CLEC4M: variants seen among roughly 807,000 people sequenced by gnomAD.
CLEC4M encodes C-type lectin domain family 4 member M, also known as CD209 antigen-like protein 1.
A neutral mutation model predicts 39.1 loss-of-function variants in CLEC4M; 25 were observed. That is an observed-to-expected ratio of 0.64 (90% confidence interval 0.47 to 0.89). The LOEUF (loss-of-function observed/expected upper bound fraction) is 0.89. Among genes scored for constraint, CLEC4M ranks in the 40% least tolerant of loss-of-function variants. CLEC4M has a pLI of 0.00. For synonymous variants in CLEC4M, 155 were observed against 177.4 expected (o/e 0.87, Z 1.00); for missense variants, 353 against 431.4 (o/e 0.82, Z 1.61).
rs1246694659 is a variant in CLEC4M at position 7,769,010 on chromosome 19, C to T, written c.*22C>T. ...ATAGTTGTTTCCCTGCTAGCCTCAG[C>T]CTCCATTGTGGTATAGCAGAACTTC... On this transcript the variant is annotated 3_prime_UTR_variant, in exon 7 of 7. Coordinates refer to ENST00000327325, the MANE Select transcript of CLEC4M (RefSeq NM_014257.5). The T allele has an allele frequency of 6.2e-7, 1 of 1,611,358 alleles. No individual in the cohort carries two copies. Among genetic ancestry groups the T allele is most frequent in the African/African-American group, 1.3e-5 (1 of 75,014 alleles).
In CLEC4M at chr19:7,765,720, A is replaced by G. The variant is rs1180369151; in HGVS notation, c.297A>G (p.Ala99=). The G allele has an allele frequency of 3.7e-6, 6 of 1,614,148 alleles. No homozygotes were observed. In the African/African-American group the frequency reaches 5.3e-5, roughly 14 times the overall value. ...IYQNLTQLKA[A]VGELSEKSKL... ...AGAACCTGACCCAGCTTAAAGCTGC[A>G]GTGGGTGAGCTCTCAGAGAAATCCA... is the stretch of plus-strand genomic sequence containing the variant. The change falls in exon 4 of 7, where the codon GCA becomes GCG. Residue 99 remains alanine, a synonymous_variant. Coordinates refer to ENST00000327325, the MANE Select transcript of CLEC4M (RefSeq NM_014257.5).
At chr19:7,768,130 AT>A (rs2034359684) in intron 6 of CLEC4M, 1 of 159,196 alleles carries the variant, frequency 6.3e-6, no homozygotes, top group African/African-American at 2.4e-5. Flanking sequence ...GATATGAAGC[AT>A]TTTGTGGGCT....
intron 5 of CLEC4M, 64 bp downstream of exon 5, chr19:7,766,871 T>C: frequency 6.2e-7 from 1 of 1,608,964 alleles, no homozygotes; most frequent in South Asian, 1.1e-5. Context: ...GGGGAGGAGG[T>C]GCTCAGAGAG....
intron 4 of CLEC4M, 21 bp downstream of exon 4, chr19:7,766,228 G>A: frequency 6.2e-7 from 1 of 1,613,306 alleles, no homozygotes; most frequent in Non-Finnish European, 8.5e-7. Context: ...GCACATCAAG[G>A]GTCCTTGGGC....
At chr19:7,764,061 G>A (rs1363755485) in intron 2 of CLEC4M, among the ~76,000 whole-genome samples, 3 of 152,046 alleles carry the variant, frequency 2.0e-5, no homozygotes, top group Admixed American at 2.0e-4. Flanking sequence ...GAGTCCTGGT[G>A]TTGCAGGATA....
At position 7,765,156 on chromosome 19, in the gene CLEC4M, G is replaced by A. The variant is rs1027082599; in HGVS notation, c.131-29G>A. The A allele has an allele frequency of 4.3e-6, 7 of 1,612,234 alleles. No homozygotes were observed. In the African/African-American group the frequency reaches 8.0e-5, roughly 18 times the overall value. On this transcript the variant is annotated intron_variant, in intron 2 of 6. Transcript: ENST00000327325. Reference sequence around the variant, plus strand: ...TGGGCCAGGCTCAGGTGGGAACACTGGCAGGCTGACGCATGTATCCTCTCT... The same window carrying A: ...TGGGCCAGGCTCAGGTGGGAACACTAGCAGGCTGACGCATGTATCCTCTCT...
At chr19:7,764,613 C>T (rs752583206) in intron 2 of CLEC4M, among the ~76,000 whole-genome samples, 2 of 152,050 alleles carry the variant, frequency 1.3e-5, no homozygotes, top group South Asian at 2.1e-4. Flanking sequence ...CTCACCCTCC[C>T]GAGTAGCTGG....
intron 2 of CLEC4M, among the ~76,000 whole-genome samples, chr19:7,764,974 A>G (rs2034185038): frequency 6.6e-6 from 1 of 151,742 alleles, no homozygotes; most frequent in South Asian, 2.1e-4. Flanking sequence ...GTTGGGACCT[A>G]AACTCCTGGG....
At chr19:7,765,299 C>A (rs1199067199) in intron 3 of CLEC4M, 31 bp downstream of exon 3, 4 of 1,611,768 alleles carry the variant, frequency 2.5e-6, no homozygotes, top group Non-Finnish European at 3.4e-6. Flanking sequence ...GTCTGGGGTC[C>A]CCAGGCCTGG....
intron 4 of CLEC4M, 125 bp downstream of exon 4, chr19:7,766,332 C>G (rs943793070): frequency 2.2e-4 from 337 of 1,507,288 alleles, no homozygotes; most frequent in Non-Finnish European, 3.0e-4. Flanking sequence ...CACGGGGTAA[C>G]TGCGATCATT....
intron 2 of CLEC4M, 65 bp downstream of exon 2, chr19:7,763,541 G>C: frequency 7.2e-7 from 1 of 1,388,882 alleles, no homozygotes; most frequent in Non-Finnish European, 1.0e-6. Context: ...GTCCTGGGGA[G>C]GTAGGTGTTG....
intron 2 of CLEC4M, 31 bp from the exon 3 acceptor site, chr19:7,765,154 C>T: frequency 6.2e-7 from 1 of 1,612,086 alleles, no homozygotes; most frequent in South Asian, 1.1e-5. Flanking sequence ...GGTGGGAACA[C>T]TGGCAGGCTG....
chr19:7,767,363 G>A, intron 5 of CLEC4M, 153 bp from the exon 6 acceptor site: 1 of 611,904 alleles, frequency 1.6e-6, no homozygotes, highest in Non-Finnish European at 2.9e-6. Context: ...GGATACAGAT[G>A]TGAGAGGGGC....
intron 6 of CLEC4M, chr19:7,767,833 G>A (rs1487446372): frequency 1.8e-6 from 1 of 553,836 alleles, no homozygotes; most frequent in Non-Finnish European, 3.2e-6. Flanking sequence ...AGAGCTGCAG[G>A]AGGAGCTTGC....
At chr19:7,765,553 C>T in intron 3 of CLEC4M, 85 bp from the exon 4 acceptor site, 20 of 1,577,306 alleles carry the variant, frequency 1.3e-5, no homozygotes, top group Non-Finnish European at 1.7e-5. Flanking sequence ...TTGGCTCTCA[C>T]AAATGATGTC....
At chr19:7,764,628 A>G (rs1235492682) in intron 2 of CLEC4M, among the ~76,000 whole-genome samples, 2 of 152,030 alleles carry the variant, frequency 1.3e-5, no homozygotes, top group African/African-American at 4.8e-5. Flanking sequence ...AGCTGGGACT[A>G]CAGGCGCCCA....
In CLEC4M at chr19:7,766,698, A is replaced by T; in HGVS notation, c.827A>T (p.Gln276Leu). ...RHCPKDWTFFQGNCYFMSNSQ... is the reference protein window; with the variant it reads ...RHCPKDWTFFLGNCYFMSNSQ... The stretch of plus-strand genomic sequence containing the variant: ...TGTCCCAAGGACTGGACATTCTTCC[A>T]AGGAAACTGTTACTTCATGTCTAAC... Residue 276 changes from glutamine to leucine, a missense_variant, in exon 5 of 7, where the codon CAA becomes CTA. Gln to Leu is a moderately radical substitution (Grantham distance 113, BLOSUM62 -2). Around this residue, in one of 4 missense-constraint regions of CLEC4M, gnomAD observed 196 missense variants for 211.7 expected, o/e 0.93. Transcript: ENST00000327325. 1 of 1,614,240 alleles carries T rather than the reference A, an allele frequency of 6.2e-7. No homozygotes were observed.
intron 2 of CLEC4M, among the ~76,000 whole-genome samples, chr19:7,764,277 A>G (rs906490374): frequency 2.0e-5 from 3 of 152,048 alleles, no homozygotes; most frequent in African/African-American, 7.2e-5. Flanking sequence ...TAGTTATTCA[A>G]TTGAGACATG....
At position 7,765,798 on chromosome 19, in the gene CLEC4M, G is replaced by T; in HGVS notation, c.375G>T (p.Glu125Asp). The change falls in exon 4 of 7, where the codon GAG (glutamate) becomes GAT (aspartate). Residue 125 changes from glutamate (E) to aspartate (D), a missense_variant. Transcript: ENST00000327325. Reference protein sequence around the residue: ...ELTQLKAAVGELPEKSKLQEI... With the variant: ...ELTQLKAAVGDLPEKSKLQEI... ...CCCAGCTGAAGGCTGCAGTGGGTGA[G>T]TTGCCAGAGAAATCCAAGCTGCAGG... 1 of 1,612,116 alleles carries T rather than the reference G, an allele frequency of 6.2e-7. No individual in the cohort carries two copies. Among genetic ancestry groups the T allele is most frequent in the Non-Finnish European group, 8.5e-7 (1 of 1,178,908 alleles).
Sources: gnomAD v4.1 joint callset for allele counts (sites outside exome capture counted in the v4.1 genomes callset) on GRCh38, gnomAD v4.1.1 for gene constraint, gnomAD v4.1.1 regional missense constraint, MANE v1.5 for transcripts, NCBI Gene and HGNC (gene_info 2026-07-23, HGNC 2026-07-21) for gene names.